TIAM2: variants seen among roughly 807,000 people sequenced by gnomAD.
The protein encoded by TIAM2 is TIAM Rac1 associated GEF 2.
A neutral mutation model predicts 152.9 loss-of-function variants in TIAM2; 80 were observed. That is an observed-to-expected ratio of 0.52 (90% CI 0.44 to 0.63). The LOEUF is 0.63. Among genes scored for constraint, TIAM2 ranks in the 30% least tolerant of loss-of-function variants. The probability of loss-of-function intolerance (pLI) is 0.00; values close to 1 mark genes in which losing one functional copy is unlikely to be tolerated. For synonymous variants in TIAM2, 804 were observed against 838.0 expected (o/e 0.96, Z 0.70); for missense variants, 1,965 against 2,120.1 (o/e 0.93, Z 1.44).
intron 9 of TIAM2, among the ~76,000 whole-genome samples, chr6:155,175,911 T>C (rs1210078124): frequency 6.6e-6 from 1 of 152,236 alleles, no homozygotes; most frequent in Non-Finnish European, 1.5e-5. Context: ...AGCTGAAGGA[T>C]AGAGAAAAGA....
rs894331563 is a variant in TIAM2 at position 154,995,689 on chromosome 6, C to G, written c.-209+197C>G. 6.6e-6 allele frequency among the ~76,000 whole-genome samples: 1 copy of G among 151,850 alleles called. No individual in the cohort carries two copies. Among genetic ancestry groups the G allele is most frequent in the East Asian group, 1.9e-4 (1 of 5,134 alleles). On this transcript the variant is annotated intron_variant, in intron 1 of 26. Coordinates refer to ENST00000682666, the MANE Select transcript of TIAM2 (RefSeq NM_012454.4). This position sits in a 1 kb window ranked among gnomAD's most constrained non-coding sequence, Gnocchi z 5.2. ...TGCGGGGCGCGGCCTGGCACCCTCT[C>G]CCCGGAGGGCGGCAGCGTCCGGGCA...
chr6:155,251,258 C>T (rs1393825495), intron 22 of TIAM2, among the ~76,000 whole-genome samples: 2 of 152,156 alleles, frequency 1.3e-5, no homozygotes, highest in Non-Finnish European at 2.9e-5. Context: ...GGAACAGATC[C>T]CTGCGGCTAT....
chr6:155,138,304 T>C (rs900705007), intron 5 of TIAM2, among the ~76,000 whole-genome samples: 1 of 152,228 alleles, frequency 6.6e-6, no homozygotes, highest in Admixed American at 6.5e-5. Flanking sequence ...ATTCCGTACA[T>C]GTTCAGAACT....
At chr6:155,005,247 C>T (rs1236471583) in intron 1 of TIAM2, 1 of 227,418 alleles carries the variant, frequency 4.4e-6, no homozygotes. Flanking sequence ...GGAATTCCGT[C>T]TGGAAGCAGG....
intron 2 of TIAM2, among the ~76,000 whole-genome samples, chr6:155,123,590 G>A (rs9322500): frequency 0.43 from 65,878 of 152,106 alleles, 16,848 homozygotes; most frequent in African/African-American, 0.7. Flanking sequence ...ATGAGCTTAG[G>A]TTCTAACCTG....
At chr6:155,193,088 G>T (rs944715598) in intron 14 of TIAM2, among the ~76,000 whole-genome samples, 6 of 151,950 alleles carry the variant, frequency 3.9e-5, no homozygotes, top group African/African-American at 1.5e-4. Flanking sequence ...TCCAAATGTG[G>T]ACATTTCATT....
At chr6:155,104,601 C>T (rs1196207668) in intron 2 of TIAM2, among the ~76,000 whole-genome samples, 3 of 151,764 alleles carry the variant, frequency 2.0e-5, no homozygotes, top group Non-Finnish European at 4.4e-5. Flanking sequence ...ACTAAAAATA[C>T]AAAAAATTAG....
At chr6:155,097,116 T>G (rs112089090) in intron 2 of TIAM2, among the ~76,000 whole-genome samples, 3,574 of 152,310 alleles carry the variant, frequency 0.023, 158 homozygotes, top group African/African-American at 0.082. Flanking sequence ...TGCTGAGCAT[T>G]TTTTCATGTA....
intron 1 of TIAM2, among the ~76,000 whole-genome samples, chr6:155,027,162 A>T (rs765566427): frequency 6.6e-6 from 1 of 151,520 alleles, no homozygotes; most frequent in Non-Finnish European, 1.5e-5. Context: ...CAGCCTCCTG[A>T]GTAGCTGGGA....
At chr6:155,170,088 A>G (rs1451143650) in intron 9 of TIAM2, among the ~76,000 whole-genome samples, 1 of 152,118 alleles carries the variant, frequency 6.6e-6, no homozygotes, top group African/African-American at 2.4e-5. Flanking sequence ...AAGTGCCGAG[A>G]TTACAGGCGT....
intron 2 of TIAM2, among the ~76,000 whole-genome samples, chr6:155,101,090 G>T (rs548661878): frequency 6.6e-6 from 1 of 152,114 alleles, no homozygotes. Context: ...AGTCCTACCC[G>T]CCCTCACTGT....
chr6:154,999,207 A>ATTAG (rs1778271215), intron 1 of TIAM2, among the ~76,000 whole-genome samples: 1 of 151,338 alleles, frequency 6.6e-6, no homozygotes, highest in Non-Finnish European at 1.5e-5. Flanking sequence ...AGGAAAATTA[A>ATTAG]TTAATTAATT....
chr6:155,192,637 A>T (rs1781233974), intron 14 of TIAM2, among the ~76,000 whole-genome samples: 1 of 124,310 alleles, frequency 8.0e-6, no homozygotes, highest in Admixed American at 8.3e-5. Flanking sequence ...GTCTCCTCAA[A>T]CCAAAAAAAA....
At chr6:155,166,817 T>G (rs1416045946) in intron 9 of TIAM2, among the ~76,000 whole-genome samples, 5 of 152,218 alleles carry the variant, frequency 3.3e-5, no homozygotes, top group Non-Finnish European at 2.9e-5. Flanking sequence ...TTCAAAGCTG[T>G]TGAAAAAATA....
chr6:155,028,390 T>C (rs1201223405), intron 1 of TIAM2, among the ~76,000 whole-genome samples: 1 of 112,610 alleles, frequency 8.9e-6, no homozygotes, highest in Non-Finnish European at 1.7e-5. Flanking sequence ...GTTACATATA[T>C]ACTACATATA....
chr6:155,087,739 A>G (rs984321136), intron 1 of TIAM2, among the ~76,000 whole-genome samples: 1 of 152,088 alleles, frequency 6.6e-6, no homozygotes, highest in Admixed American at 6.6e-5. Flanking sequence ...ACAGAGTGAG[A>G]CTCCATCTCA....
chr6:155,250,038 T>C lies in TIAM2; in HGVS notation c.3951+69T>C, dbSNP rs1002374437. On this transcript the variant is annotated intron_variant, in intron 21 of 26. Coordinates refer to ENST00000682666, the MANE Select transcript of TIAM2 (RefSeq NM_012454.4). ...TGGGGTCTGTAGGTGACCTTCTAGA[T>C]AGGCTGCCCTGTTAGGACTTTCCTG... 2.5e-6 allele frequency: 3 copies of C among 1,196,826 alleles called. No homozygotes were observed. In the African/African-American group the frequency reaches 4.6e-5, roughly 18 times the overall value. 74.1% of individuals were successfully genotyped at this position (1,196,826 alleles called of 1,614,324 possible). A position where few individuals can be genotyped will look rare whatever the true frequency, so the allele number is the denominator to read the frequency against.
At chr6:155,193,014 A>C (rs1012361665) in intron 14 of TIAM2, among the ~76,000 whole-genome samples, 30 of 152,226 alleles carry the variant, frequency 2.0e-4, no homozygotes, top group African/African-American at 7.0e-4. Context: ...TCTTTTACTC[A>C]TGCGTGATTT....
At chr6:155,212,497 G>T (rs1322612726) in intron 15 of TIAM2, among the ~76,000 whole-genome samples, 3 of 152,118 alleles carry the variant, frequency 2.0e-5, no homozygotes, top group Non-Finnish European at 4.4e-5. Context: ...ATTTGTTTTT[G>T]TCTTAAATAC....
Sources: allele counts gnomAD v4.1 joint callset (sites outside exome capture counted in the v4.1 genomes callset), GRCh38; gene constraint gnomAD v4.1.1; non-coding constraint Gnocchi (gnomAD v3.1); transcripts MANE v1.5; gene names NCBI Gene and HGNC (gene_info 2026-07-23, HGNC 2026-07-21).